Variants in RNF10 observed in about 807,000 individuals in gnomAD.
The protein encoded by RNF10 is ring finger protein 10.
Under a neutral mutation model 91.4 loss-of-function variants are expected in RNF10, and 38 were observed. The ratio of observed to expected loss-of-function variants is 0.42; its 90% CI spans 0.32 to 0.54. The LOEUF (loss-of-function observed/expected upper bound fraction) is 0.54, where lower values mean the gene tolerates loss of function less well. Among genes scored for constraint, RNF10 ranks in the 20% least tolerant of loss-of-function variants. The pLI is 0.16. For missense variants in RNF10, 945 were observed against 1,012.0 expected (o/e 0.93, Z 0.90); for synonymous variants, 364 against 366.3 (o/e 0.99, Z 0.07).
At position 120,557,465 on chromosome 12, in the gene RNF10, A is replaced by T; in HGVS notation, c.829A>T (p.Ser277Cys). The change falls in exon 5 of 17, where the codon AGT (serine) becomes TGT (cysteine). Residue 277 changes from serine (S) to cysteine (C), a missense_variant and splice_region_variant. By Grantham distance (112) the Ser-to-Cys change is moderately radical. Transcript: ENST00000325954. ...YSSVHKKDLK[S>C]VVATESHQYV... ...TTCTGTGCATAAGAAGGATCTCAAG[A>T]GGTGAGATTGAGACATTTACTCAGT... 4 of 1,613,746 alleles carry T rather than the reference A, an allele frequency of 2.5e-6. No homozygotes were observed. The highest frequency in any genetic ancestry group is 3.4e-6 in the Non-Finnish European group (4 of 1,179,608).
At chr12:120,548,527 T>C (rs1370027648) in intron 2 of RNF10, among the ~76,000 whole-genome samples, 1 of 152,064 alleles carries the variant, frequency 6.6e-6, no homozygotes, top group Non-Finnish European at 1.5e-5. Flanking sequence ...GCATGTAGAT[T>C]GGAGAGAATA....
At chr12:120,545,515 A>G (rs999190555) in intron 1 of RNF10, among the ~76,000 whole-genome samples, 2 of 151,124 alleles carry the variant, frequency 1.3e-5, no homozygotes, top group Admixed American at 6.6e-5. Context: ...ATATGACTCA[A>G]TCTGATCCAA....
At chr12:120,544,708 C>T (rs1021677030) in intron 1 of RNF10, among the ~76,000 whole-genome samples, 4 of 152,074 alleles carry the variant, frequency 2.6e-5, no homozygotes, top group South Asian at 2.1e-4. Flanking sequence ...ATAAATAAAT[C>T]GGTGTAACGG....
At position 120,565,411 on chromosome 12, in the gene RNF10, A is replaced by C. The variant is rs372180730; in HGVS notation, c.1784-17A>C. On this transcript the variant is annotated splice_polypyrimidine_tract_variant and intron_variant, in intron 11 of 16. Coordinates refer to ENST00000325954, the MANE Select transcript of RNF10 (RefSeq NM_014868.5). Reference sequence around the variant, plus strand: ...GTTGTCCTGGGTCTACCTCTTTACAACCTGACCAATCTGCAGATGACATTG... The same window carrying C: ...GTTGTCCTGGGTCTACCTCTTTACACCCTGACCAATCTGCAGATGACATTG... 2.5e-5 allele frequency: 41 copies of C among 1,613,202 alleles called. No individual in the cohort carries two copies. The African/African-American group carries it at 5.3e-4, about 21-fold the overall frequency.
intron 14 of RNF10, among the ~76,000 whole-genome samples, chr12:120,573,981 G>A (rs1204921731): frequency 1.3e-5 from 2 of 152,168 alleles, no homozygotes; most frequent in African/African-American, 4.8e-5. Flanking sequence ...GCGAGAATAG[G>A]TCTCCCATCC....
At chr12:120,568,198 T>C (rs1876066344) in intron 13 of RNF10, among the ~76,000 whole-genome samples, 1 of 151,918 alleles carries the variant, frequency 6.6e-6, no homozygotes. Flanking sequence ...TGAGCCCAGA[T>C]TGGGCCACTG....
intron 1 of RNF10, among the ~76,000 whole-genome samples, chr12:120,536,274 A>G (rs896100729): frequency 2.6e-5 from 4 of 151,364 alleles, no homozygotes; most frequent in Non-Finnish European, 4.4e-5. Flanking sequence ...AAAAAAAAAA[A>G]TTAGCCGAGT....
chr12:120,551,290 G>GTTTTTTTTT (rs63002361), intron 2 of RNF10, among the ~76,000 whole-genome samples: 3 of 83,220 alleles, frequency 3.6e-5, no homozygotes, highest in African/African-American at 4.7e-5. Flanking sequence ...CCATCCTAGT[G>GTTTTTTTTT]TTTTTTTTTT....
Position 120,534,807 on chromosome 12 carries a change from C to T in RNF10, c.-5C>T, listed in dbSNP as rs765501811. Reference sequence around the variant, plus strand: ...CGACTGCCGTCGCCGCCGAGGCCCCCGTTGATGCCGCTGAGCTCCCCCAAC... The same window carrying T: ...CGACTGCCGTCGCCGCCGAGGCCCCTGTTGATGCCGCTGAGCTCCCCCAAC... On this transcript the variant is annotated 5_prime_UTR_variant, in exon 1 of 17. Coordinates refer to ENST00000325954, the MANE Select transcript of RNF10 (RefSeq NM_014868.5). The T allele has an allele frequency of 4.5e-6, 7 of 1,568,558 alleles. No individual in the cohort carries two copies. The highest frequency in any genetic ancestry group is 2.3e-5 in the East Asian group (1 of 42,838).
chr12:120,564,992 T>G lies in RNF10; in HGVS notation c.1666-80T>G, dbSNP rs1051494719. On this transcript the variant is annotated intron_variant, in intron 10 of 16. Coordinates refer to ENST00000325954, the MANE Select transcript of RNF10 (RefSeq NM_014868.5). ...AGTGCTGGCTGTGTTATGTATATAT[T>G]GTTGGATATCGGGGTTAGGACCCCC... 9.3e-6 allele frequency: 8 copies of G among 856,038 alleles called. No homozygotes were observed. In the Admixed American group the frequency reaches 1.2e-4, roughly 13 times the overall value. The allele number at this position is 856,038 out of a possible 1,614,324, so 53.0% of individuals were successfully genotyped here.
At chr12:120,562,465 G>A (rs1875015222) in intron 7 of RNF10, among the ~76,000 whole-genome samples, 1 of 151,238 alleles carries the variant, frequency 6.6e-6, no homozygotes, top group South Asian at 2.1e-4. Flanking sequence ...GTAGAGATGG[G>A]GTTTCTCCAT....
chr12:120,559,925 A>G (rs1481013505), intron 6 of RNF10, among the ~76,000 whole-genome samples: 2 of 150,474 alleles, frequency 1.3e-5, no homozygotes, highest in African/African-American at 2.5e-5. Flanking sequence ...TCGAACTCCT[A>G]ACTTCAGGTG....
At chr12:120,567,066 C>G (rs1275831892) in intron 13 of RNF10, 86 bp downstream of exon 13, 2 of 1,353,544 alleles carry the variant, frequency 1.5e-6, no homozygotes, top group Admixed American at 4.5e-5. Context: ...CCGGCCCACT[C>G]AGCATGGTGT....
intron 14 of RNF10, chr12:120,574,484 T>TCAA (rs1461224532): frequency 1.5e-5 from 7 of 455,926 alleles, no homozygotes; most frequent in African/African-American, 4.0e-5. Context: ...TACTGGCCTG[T>TCAA]GGTTGGATCT....
intron 1 of RNF10, among the ~76,000 whole-genome samples, chr12:120,540,017 T>C (rs1459313528): frequency 6.6e-6 from 1 of 151,204 alleles, no homozygotes; most frequent in East Asian, 1.9e-4. Context: ...GTATTTTTAG[T>C]AGAGATGGGT....
At chr12:120,576,508 C>A in intron 16 of RNF10, 82 bp from the exon 17 acceptor site, 1 of 1,539,836 alleles carries the variant, frequency 6.5e-7, no homozygotes, top group Non-Finnish European at 8.7e-7. Flanking sequence ...AGCTCCCACT[C>A]TGTGACTCTC....
At chr12:120,564,755 C>T (rs1462402112) in intron 10 of RNF10, among the ~76,000 whole-genome samples, 1 of 152,146 alleles carries the variant, frequency 6.6e-6, no homozygotes, top group African/African-American at 2.4e-5. Flanking sequence ...ATAACTTTAT[C>T]TTCTCTGTTC....
intron 1 of RNF10, among the ~76,000 whole-genome samples, chr12:120,544,880 T>C (rs1296806937): frequency 6.6e-6 from 1 of 152,088 alleles, no homozygotes; most frequent in African/African-American, 2.4e-5. Flanking sequence ...CACCTAAATA[T>C]ACAACAATGG....
Position 120,554,309 on chromosome 12 carries a change from G to A in RNF10, c.555-409G>A, listed in dbSNP as rs146023397. Reference sequence around the variant, plus strand: ...ACCCACCTTGGCCTCCCCAAGTGCTGGGATTACAAGTGTGAGCCACTGTGC... The same window carrying A: ...ACCCACCTTGGCCTCCCCAAGTGCTAGGATTACAAGTGTGAGCCACTGTGC... On this transcript the variant is annotated intron_variant, in intron 3 of 16. Transcript: ENST00000325954. 147 of 174,046 alleles carry A rather than the reference G, an allele frequency of 8.4e-4. 1 individual carries two copies. The highest frequency in any genetic ancestry group is 1.2e-3 in the Non-Finnish European group (97 of 82,388). The allele number at this position is 174,046 out of a possible 1,614,324, so 10.8% of individuals were successfully genotyped here.
Sources: gnomAD v4.1 joint callset for allele counts (sites outside exome capture counted in the v4.1 genomes callset) on GRCh38, gnomAD v4.1.1 for gene constraint, MANE v1.5 for transcripts, NCBI Gene and HGNC (gene_info 2026-07-23, HGNC 2026-07-21) for gene names.